The following LRP6 variants were observed in gnomAD, a reference collection of about 807,000 sequenced individuals.
LRP6 encodes LDL receptor related protein 6.
LRP6 carries 43 observed loss-of-function variants against 184.1 expected under a neutral mutation model. The ratio of observed to expected loss-of-function variants is 0.23; its 90% CI spans 0.18 to 0.30. The LOEUF is 0.30. LRP6 is among the 10% of genes least tolerant of loss of function. LRP6 has a pLI of 1.00. For missense variants in LRP6, 1,571 were observed against 2,005.3 expected (o/e 0.78, Z 4.14); for synonymous variants, 719 against 684.9 (o/e 1.05, Z -0.78).
chr12:12,154,175 T>C (rs989476408), intron 12 of LRP6, among the ~76,000 whole-genome samples: 8 of 152,230 alleles, frequency 5.3e-5, no homozygotes, highest in African/African-American at 1.9e-4. Context: ...CCAGCAACAC[T>C]AGCTTCCTAG....
chr12:12,259,881 T>C (rs1203592943), intron 1 of LRP6, among the ~76,000 whole-genome samples: 1 of 152,322 alleles, frequency 6.6e-6, no homozygotes, highest in South Asian at 2.1e-4. Context: ...AAACTCAGTA[T>C]AGCATTCAGC....
At chr12:12,248,471 CTTTTTTTTTTTTT>C (rs71061030) in intron 1 of LRP6, among the ~76,000 whole-genome samples, 2 of 62,760 alleles carry the variant, frequency 3.2e-5, no homozygotes, top group East Asian at 6.3e-4. Context: ...AGTCTTTACT[CTTTTTTTTTTTTT>C]TTTTTTTTTT....
intron 2 of LRP6, among the ~76,000 whole-genome samples, chr12:12,243,852 G>A (rs528471991): frequency 6.6e-6 from 1 of 152,306 alleles, no homozygotes; most frequent in East Asian, 1.9e-4. Flanking sequence ...CTGGGTTCAA[G>A]TGATTTTCGT....
intron 6 of LRP6, 53 bp downstream of exon 6, chr12:12,180,990 C>T (rs1166568716): frequency 1.3e-6 from 2 of 1,595,542 alleles, no homozygotes; most frequent in Non-Finnish European, 1.7e-6. Flanking sequence ...TTTTCAGGAA[C>T]CTGTGAAAAA....
intron 2 of LRP6, among the ~76,000 whole-genome samples, chr12:12,234,947 A>C (rs1864894537): frequency 6.6e-6 from 1 of 152,226 alleles, no homozygotes; most frequent in Non-Finnish European, 1.5e-5. Flanking sequence ...AAAAAGCAGA[A>C]ATTATTAAGA....
At chr12:12,127,433 C>T (rs1041297697) in intron 19 of LRP6, among the ~76,000 whole-genome samples, 2 of 152,180 alleles carry the variant, frequency 1.3e-5, no homozygotes, top group African/African-American at 2.4e-5. Flanking sequence ...TGAATAGTGA[C>T]ATTTAGGCCT....
At chr12:12,155,916 CAAT>C (rs1344576162) in intron 12 of LRP6, 7 of 547,072 alleles carry the variant, frequency 1.3e-5, no homozygotes, top group Non-Finnish European at 1.9e-5. Flanking sequence ...ATTTATTTAA[CAAT>C]AATTTCTTGA....
At chr12:12,238,189 A>G (rs1313800795) in intron 2 of LRP6, among the ~76,000 whole-genome samples, 2 of 151,566 alleles carry the variant, frequency 1.3e-5, no homozygotes, top group Non-Finnish European at 2.9e-5. Flanking sequence ...GCACAGCTGA[A>G]GAAAGAATTT....
intron 2 of LRP6, among the ~76,000 whole-genome samples, chr12:12,232,525 G>C (rs1864818129): frequency 6.7e-6 from 1 of 148,976 alleles, no homozygotes; most frequent in African/African-American, 2.5e-5. Flanking sequence ...TCTGTTCACA[G>C]TCCAAAACTA....
intron 1 of LRP6, among the ~76,000 whole-genome samples, chr12:12,255,017 A>G (rs974171609): frequency 3.3e-5 from 5 of 152,232 alleles, no homozygotes; most frequent in African/African-American, 1.2e-4. Context: ...ATTATATGAT[A>G]AATTACTATT....
intron 1 of LRP6, among the ~76,000 whole-genome samples, chr12:12,265,304 T>C (rs1865728988): frequency 6.6e-6 from 1 of 152,180 alleles, no homozygotes. Context: ...TTTCCGGGGT[T>C]TACATGTGGG....
At chr12:12,196,732 G>A (rs1565632576) in intron 3 of LRP6, among the ~76,000 whole-genome samples, 1 of 151,906 alleles carries the variant, frequency 6.6e-6, no homozygotes, top group Non-Finnish European at 1.5e-5. Flanking sequence ...ATGTTTCTCT[G>A]TCCTCTGTAT....
Position 12,158,816 on chromosome 12 carries a change from A to C in LRP6, c.2791+13T>G, listed in dbSNP as rs1200411440. ...TCTCATTCTAGCTTGCTTTGGAGGG[A>C]AATGCAGCTTACCACTACAAGTCCT... On this transcript the variant is annotated intron_variant, in intron 12 of 22. Transcript: ENST00000261349. 1 of 1,613,180 alleles carries C rather than the reference A, an allele frequency of 6.2e-7. No individual in the cohort carries two copies. The highest frequency in any genetic ancestry group is 1.1e-5 in the South Asian group (1 of 91,062).
At chr12:12,263,256 ACT>A (rs1166081183) in intron 1 of LRP6, among the ~76,000 whole-genome samples, 4 of 119,510 alleles carry the variant, frequency 3.3e-5, no homozygotes, top group African/African-American at 9.6e-5. Context: ...CAAGAGCGAA[ACT>A]CTGTCTTTAA....
intron 5 of LRP6, among the ~76,000 whole-genome samples, chr12:12,182,308 G>A (rs1192056284): frequency 6.6e-6 from 1 of 152,026 alleles, no homozygotes; most frequent in African/African-American, 2.4e-5. Flanking sequence ...AAAAAATAAA[G>A]ATTTTCAGAT....
intron 7 of LRP6, among the ~76,000 whole-genome samples, chr12:12,167,719 C>T (rs1269716798): frequency 1.3e-5 from 2 of 151,784 alleles, no homozygotes. Flanking sequence ...AAATATATAG[C>T]ACAGTATTAG....
chr12:12,185,948 C>T (rs750660985), intron 4 of LRP6, among the ~76,000 whole-genome samples: 2 of 151,184 alleles, frequency 1.3e-5, no homozygotes, highest in African/African-American at 4.9e-5. Context: ...CGGGTTCAAG[C>T]GATTCTCCAG....
At chr12:12,166,053 T>C (rs968867644) in intron 7 of LRP6, among the ~76,000 whole-genome samples, 3 of 152,216 alleles carry the variant, frequency 2.0e-5, no homozygotes, top group Admixed American at 6.5e-5. Flanking sequence ...GATACCTTTA[T>C]TGACATAATA....
intron 3 of LRP6, among the ~76,000 whole-genome samples, chr12:12,188,166 G>A (rs947649206): frequency 2.0e-5 from 3 of 148,324 alleles, no homozygotes; most frequent in African/African-American, 5.0e-5. Flanking sequence ...AGCCGAGATC[G>A]CGCCACTGCA....
Sources: allele counts gnomAD v4.1 joint callset (sites outside exome capture counted in the v4.1 genomes callset), GRCh38; gene constraint gnomAD v4.1.1; transcripts MANE v1.5; gene names NCBI Gene and HGNC (gene_info 2026-07-23, HGNC 2026-07-21).